The following STT3B variants were observed in gnomAD, a reference collection of about 807,000 sequenced individuals.
STT3B encodes the protein STT3 oligosaccharyltransferase complex catalytic subunit B, also known as dolichyl-diphosphooligosaccharide--protein glycosyltransferase subunit STT3B.
A neutral mutation model predicts 96.8 loss-of-function variants in STT3B; 29 were observed. The ratio of observed to expected loss-of-function variants is 0.30; its 90% CI spans 0.22 to 0.41. STT3B has a LOEUF of 0.41. Among genes scored for constraint, STT3B ranks in the 10% least tolerant of loss-of-function variants. The probability of loss-of-function intolerance (pLI) is 1.00; values close to 1 mark genes in which losing one functional copy is unlikely to be tolerated. For missense variants in STT3B, 640 were observed against 1,022.3 expected (o/e 0.63, Z 5.10); for synonymous variants, 367 against 360.0 (o/e 1.02, Z -0.22).
At position 31,590,099 on chromosome 3, in the gene STT3B, T is replaced by C. The variant is rs1698633508; in HGVS notation, c.712-6699T>C. On this transcript the variant is annotated intron_variant, in intron 3 of 15. Coordinates refer to ENST00000295770, the MANE Select transcript of STT3B (RefSeq NM_178862.3). ...TATCTTTTTAAAAGTTTTTTTATTTTATCTAAATGACCTAATTTGTCGGCA... is the reference window on the plus strand; with the variant it reads ...TATCTTTTTAAAAGTTTTTTTATTTCATCTAAATGACCTAATTTGTCGGCA... 2.6e-5 allele frequency among the ~76,000 whole-genome samples: 4 copies of C among 151,998 alleles called. No individual in the cohort carries two copies. In the South Asian group the frequency reaches 8.3e-4, roughly 31 times the overall value.
chr3:31,602,160 T>A (rs1355046667), intron 5 of STT3B, among the ~76,000 whole-genome samples: 1 of 152,116 alleles, frequency 6.6e-6, no homozygotes, highest in African/African-American at 2.4e-5. Context: ...CCCATGATGC[T>A]AAAAACCACC....
At chr3:31,600,640 T>G (rs916375059) in intron 5 of STT3B, among the ~76,000 whole-genome samples, 181 bp downstream of exon 5, 2 of 152,148 alleles carry the variant, frequency 1.3e-5, no homozygotes, top group African/African-American at 4.8e-5. Flanking sequence ...TGTCATCAAC[T>G]TTTCCTTGAC....
intron 1 of STT3B, among the ~76,000 whole-genome samples, chr3:31,571,689 G>C (rs1245662696): frequency 6.6e-6 from 1 of 151,994 alleles, no homozygotes; most frequent in East Asian, 1.9e-4. Flanking sequence ...AGAAAATCAG[G>C]CAGCTAAAGC....
chr3:31,616,991 C>T lies in STT3B; in HGVS notation c.1039C>T (p.Gln347Ter). The change falls in exon 7 of 16, where the codon CAA becomes TAA. Residue 347 changes from glutamine to a stop codon, truncating the protein, a stop_gained. Transcript: ENST00000295770. LOFTEE classifies it high-confidence loss of function. ...LQYLRDRLTK[Q>*]EFQTLFFLGV... The stretch of plus-strand genomic sequence containing the variant: ...GTATCTGAGAGACCGATTAACAAAA[C>T]AAGAGTTCCAGACCCTTTTCTTTTT... 6.2e-7 allele frequency: 1 copy of T among 1,612,154 alleles called. No homozygotes were observed. The highest frequency in any genetic ancestry group is 8.5e-7 in the Non-Finnish European group (1 of 1,178,508).
chr3:31,593,282 C>T (rs1216304099), intron 3 of STT3B, among the ~76,000 whole-genome samples: 1 of 152,064 alleles, frequency 6.6e-6, no homozygotes, highest in Non-Finnish European at 1.5e-5. Context: ...TATGTCATTC[C>T]ACTGCCTTCT....
intron 3 of STT3B, among the ~76,000 whole-genome samples, chr3:31,580,558 T>A (rs748489816): frequency 6.6e-6 from 1 of 152,218 alleles, no homozygotes; most frequent in Non-Finnish European, 1.5e-5. Flanking sequence ...TATTTATGTA[T>A]TTATTATTTT....
At position 31,616,913 on chromosome 3, in the gene STT3B, C is replaced by G; in HGVS notation, c.977-16C>G. 1 of 1,583,528 alleles carries G rather than the reference C, an allele frequency of 6.3e-7. No homozygotes were observed. The highest frequency in any genetic ancestry group is 8.6e-7 in the Non-Finnish European group (1 of 1,162,484). ...AAAACTGCTTTGTTGATTATGTGAC[C>G]CTTTTCTTTAATTAGGTGTCTTTGC... On this transcript the variant is annotated splice_polypyrimidine_tract_variant and intron_variant, in intron 6 of 15. Coordinates refer to ENST00000295770, the MANE Select transcript of STT3B (RefSeq NM_178862.3).
In STT3B at chr3:31,533,031, C is replaced by G. The variant is rs555687019; in HGVS notation, c.33C>G (p.His11Gln). Residue 11 changes from histidine to glutamine, a missense_variant, in exon 1 of 16, where the codon CAC becomes CAG. Physicochemically the swap from His to Gln is conservative, Grantham distance 24 (BLOSUM62 0). This residue lies in a region of STT3B where 89 missense variants were observed against 81.7 expected (regional missense o/e 1.09). Coordinates refer to ENST00000295770, the MANE Select transcript of STT3B (RefSeq NM_178862.3). MAEPSAPESK[H>Q]KSSLNSSPWS... Reference sequence around the variant, plus strand: ...AGCCCTCGGCCCCGGAGAGCAAGCACAAGTCGTCCCTCAACTCGTCCCCGT... The same window carrying G: ...AGCCCTCGGCCCCGGAGAGCAAGCAGAAGTCGTCCCTCAACTCGTCCCCGT... 1.3e-6 allele frequency: 2 copies of G among 1,588,596 alleles called. No homozygotes were observed. The highest frequency in any genetic ancestry group is 2.2e-5 in the South Asian group (2 of 90,030).
chr3:31,570,399 G>C (rs534318130), intron 1 of STT3B, among the ~76,000 whole-genome samples: 3 of 152,124 alleles, frequency 2.0e-5, no homozygotes, highest in African/African-American at 7.2e-5. Context: ...AGGTAGACTG[G>C]GAGGAGGAGG....
rs72856078 is a variant in STT3B at position 31,614,172 on chromosome 3, C to T, written c.878-933C>T. On this transcript the variant is annotated intron_variant, in intron 5 of 15. Coordinates refer to ENST00000295770, the MANE Select transcript of STT3B (RefSeq NM_178862.3). Reference sequence around the variant, plus strand: ...ACACAGTATATAGGATACACAAATACGTGTATTCCTAAATATACCCCCCAA... The same window carrying T: ...ACACAGTATATAGGATACACAAATATGTGTATTCCTAAATATACCCCCCAA... 2.6e-3 allele frequency among the ~76,000 whole-genome samples: 390 copies of T among 152,058 alleles called. 2 individuals are homozygous for T. The highest frequency in any genetic ancestry group is 9.2e-3 in the African/African-American group (381 of 41,528).
At position 31,603,779 on chromosome 3, in the gene STT3B, AT is replaced by A. The variant is rs1368666039; in HGVS notation, c.877+3326del. 2.6e-5 allele frequency among the ~76,000 whole-genome samples: 4 copies of A among 152,180 alleles called. No individual in the cohort carries two copies. The East Asian group carries it at 7.7e-4, about 29-fold the overall frequency. On this transcript the variant is annotated intron_variant, in intron 5 of 15. Transcript: ENST00000295770. Reference sequence around the variant, plus strand: ...AACTTAAATGACCAATAGGGGAATGATTTTTTAATTGCAGTGTTGCCATATG... The same window carrying A: ...AACTTAAATGACCAATAGGGGAATGATTTTTAATTGCAGTGTTGCCATATG...
Position 31,616,939 on chromosome 3 carries a change from A to G in STT3B, c.987A>G (p.Ala329=), listed in dbSNP as rs760515113. 4 of 1,604,242 alleles carry G rather than the reference A, an allele frequency of 2.5e-6. No homozygotes were observed. The highest frequency in any genetic ancestry group is 1.1e-5 in the South Asian group (1 of 89,810). The change falls in exon 7 of 16, where the codon GCA becomes GCG. Residue 329 remains alanine (A), a synonymous_variant. Coordinates refer to ENST00000295770, the MANE Select transcript of STT3B (RefSeq NM_178862.3). ...CTTTTCTTTAATTAGGTGTCTTTGC[A>G]TTGCTGCAAGCTTATGCTTTCTTGC... The part of the protein sequence containing the change: ...SEHMAAAGVF[A]LLQAYAFLQY...
chr3:31,636,701 A>G lies in STT3B; in HGVS notation c.*637A>G, dbSNP rs900070968. 6.6e-6 allele frequency: 1 copy of G among 152,162 alleles called. No individual in the cohort carries two copies. Among genetic ancestry groups the G allele is most frequent in the African/African-American group, 2.4e-5 (1 of 41,436 alleles). The allele number at this position is 152,162 out of a possible 1,614,324, so 9.4% of individuals were successfully genotyped here. A position where few individuals can be genotyped will look rare whatever the true frequency, so the allele number is the denominator to read the frequency against. ...GCTAATTGATTCAAGTAGTTTTTTT[A>G]TGTTGACACATTATTACTGCTGTTA... On this transcript the variant is annotated 3_prime_UTR_variant, in exon 16 of 16. Transcript: ENST00000295770.
chr3:31,625,338 T>A (rs563419518), intron 12 of STT3B, among the ~76,000 whole-genome samples: 2 of 152,346 alleles, frequency 1.3e-5, no homozygotes, highest in South Asian at 4.1e-4. Context: ...TACTGAAGAA[T>A]TAGACAAAAT....
intron 1 of STT3B, among the ~76,000 whole-genome samples, chr3:31,560,777 C>T (rs1697859087): frequency 2.0e-5 from 3 of 152,040 alleles, no homozygotes; most frequent in Admixed American, 2.0e-4. Context: ...AGCCTTGTGT[C>T]TCTGGATGTC....
intron 5 of STT3B, among the ~76,000 whole-genome samples, chr3:31,610,954 TATC>T (rs1451017053): frequency 6.6e-6 from 1 of 152,240 alleles, no homozygotes; most frequent in Non-Finnish European, 1.5e-5. Context: ...ACACTATTGG[TATC>T]ATGTATTTCC....
At chr3:31,597,698 A>C (rs947207642) in intron 4 of STT3B, among the ~76,000 whole-genome samples, 2 of 152,138 alleles carry the variant, frequency 1.3e-5, no homozygotes, top group East Asian at 3.9e-4. Flanking sequence ...GCCTCAAGCA[A>C]TCCTCCTACG....
At chr3:31,551,927 GGAA>G (rs1697570996) in intron 1 of STT3B, among the ~76,000 whole-genome samples, 1 of 152,168 alleles carries the variant, frequency 6.6e-6, no homozygotes, top group African/African-American at 2.4e-5. Flanking sequence ...CCAACAGCCA[GGAA>G]GAAACCAGGG....
rs1015480651 is a variant in STT3B, at chr3:31,588,726, G to A, written c.712-8072G>A. Among the ~76,000 whole-genome samples the A allele has an allele frequency of 2.6e-5, 4 of 151,466 alleles. 1 individual carries two copies. Among genetic ancestry groups the A allele is most frequent in the East Asian group, 1.9e-4 (1 of 5,162 alleles). On this transcript the variant is annotated intron_variant, in intron 3 of 15. Transcript: ENST00000295770. ...TCTGTGTCTAGATTGATTTTTTTTT[G>A]TATGTGGTTGTCCAGCTGTTACAGC...
Sources: allele counts gnomAD v4.1 joint callset (sites outside exome capture counted in the v4.1 genomes callset), GRCh38; gene constraint gnomAD v4.1.1; regional missense constraint gnomAD v4.1.1; transcripts MANE v1.5; gene names NCBI Gene and HGNC (gene_info 2026-07-23, HGNC 2026-07-21).